Variants in EMSY observed in about 807,000 individuals in gnomAD.
The protein encoded by EMSY is EMSY transcriptional repressor, BRCA2 interacting.
In EMSY, 26 loss-of-function variants were observed where a neutral mutation model predicts 134.6. The observed-to-expected ratio is 0.19, with a 90% CI of 0.14 to 0.27. The LOEUF (loss-of-function observed/expected upper bound fraction) is 0.27, where lower values mean the gene tolerates loss of function less well. EMSY is among the 10% of genes least tolerant of loss of function. The pLI is 1.00. For synonymous variants in EMSY, 579 were observed against 577.8 expected, an observed-to-expected ratio of 1.00 and a Z score of -0.03; for missense variants, 1,305 against 1,611.4, an observed-to-expected ratio of 0.81 and a Z score of 3.26.
At chr11:76,516,309 T>A (rs771517219) in exon 11 of EMSY, 1 of 1,603,674 alleles carries the variant, frequency 6.2e-7, no homozygotes, top group South Asian at 1.1e-5. Context: ...TAATATAGTT[T>A]CTGGTAGGTA....
chr11:76,461,532 C>T (rs1396866287), intron 6 of EMSY, among the ~76,000 whole-genome samples: 2 of 152,186 alleles, frequency 1.3e-5, no homozygotes, highest in African/African-American at 2.4e-5. Context: ...AAAGAAAAAA[C>T]GCAGAATCTA....
intron 11 of EMSY, 55 bp downstream of exon 12, chr11:76,516,367 A>G (rs750597174): frequency 1.5e-6 from 2 of 1,318,096 alleles, no homozygotes; most frequent in Non-Finnish European, 2.0e-6. Flanking sequence ...GAGAGGAAAA[A>G]AAAAACTTAC....
chr11:76,548,839 G>A (rs1951746293), intron 20 of EMSY, among the ~76,000 whole-genome samples: 1 of 152,196 alleles, frequency 6.6e-6, no homozygotes, highest in African/African-American at 2.4e-5. Flanking sequence ...TTTGCAAAGT[G>A]CTGATATTCA....
intron 20 of EMSY, among the ~76,000 whole-genome samples, chr11:76,548,533 A>G (rs1028116061): frequency 3.9e-5 from 6 of 152,224 alleles, no homozygotes; most frequent in Non-Finnish European, 8.8e-5. Flanking sequence ...AACTGCAACG[A>G]TCTTCACAGT....
chr11:76,488,388 G>T (rs1338965747), intron 8 of EMSY, among the ~76,000 whole-genome samples: 1 of 152,152 alleles, frequency 6.6e-6, no homozygotes, highest in Non-Finnish European at 1.5e-5. Flanking sequence ...GATTGCTTGA[G>T]CCCAGGATTT....
rs147506236 is a variant in EMSY at position 76,451,798 on chromosome 11, C to T, written c.71-60C>T. 4.0e-4 allele frequency: 422 copies of T among 1,057,932 alleles called. 3 individuals carry two copies. In the African/African-American group the frequency reaches 6.5e-3, roughly 16 times the overall value. 65.5% of individuals were successfully genotyped at this position (1,057,932 alleles called of 1,614,324 possible). On this transcript the variant is annotated intron_variant, in intron 2 of 20. Transcript: ENST00000334736. ...TTTTTTGCCCTGAAGTTTCACTATA[C>T]ATAGCCATAGTATTAAAATATTAAA...
exon 21 of EMSY, chr11:76,551,036 C>T (rs1951821762): frequency 6.5e-6 from 1 of 152,746 alleles, no homozygotes; most frequent in Non-Finnish European, 1.5e-5. Context: ...TCATATGATG[C>T]TTTCTTAACG....
Position 76,549,894 on chromosome 11 carries a change from G to A in EMSY, c.3775-58G>A, listed in dbSNP as rs941505105. 13 of 1,387,032 alleles carry A rather than the reference G, an allele frequency of 9.4e-6. No individual in the cohort carries two copies. The African/African-American group carries it at 1.6e-4, about 17-fold the overall frequency. The allele number at this position is 1,387,032 out of a possible 1,614,324, so 85.9% of individuals were successfully genotyped here. A position where few individuals can be genotyped will look rare whatever the true frequency, so the allele number is the denominator to read the frequency against. On this transcript the variant is annotated intron_variant, in intron 20 of 20. Coordinates refer to ENST00000334736, the Ensembl canonical transcript of EMSY. Reference sequence around the variant, plus strand: ...TTTTTTTTTTTCTTGATATTGTTGGGGAAGTTATTCTGCTACCTTTTCTTA... The same window carrying A: ...TTTTTTTTTTTCTTGATATTGTTGGAGAAGTTATTCTGCTACCTTTTCTTA...
At chr11:76,512,999 A>G (rs1365352457) in intron 9 of EMSY, among the ~76,000 whole-genome samples, 9 of 152,190 alleles carry the variant, frequency 5.9e-5, no homozygotes, top group African/African-American at 2.2e-4. Flanking sequence ...TTGGGGATAC[A>G]TAAAAGCACA....
At chr11:76,499,038 T>C (rs887347456) in intron 9 of EMSY, among the ~76,000 whole-genome samples, 2 of 152,228 alleles carry the variant, frequency 1.3e-5, no homozygotes, top group Admixed American at 1.3e-4. Context: ...CTCAGCTCAC[T>C]GCAACCTCCG....
chr11:76,493,236 G>A (rs1378999485), intron 8 of EMSY, among the ~76,000 whole-genome samples: 1 of 152,206 alleles, frequency 6.6e-6, no homozygotes, highest in Non-Finnish European at 1.5e-5. Flanking sequence ...CCTGCCGCCT[G>A]AACCGCCCCC....
At chr11:76,464,203 T>A in intron 7 of EMSY, 123 bp downstream of exon 8, 2 of 1,195,400 alleles carry the variant, frequency 1.7e-6, no homozygotes, top group South Asian at 3.1e-5. Flanking sequence ...GTTCACATCT[T>A]TTACTTTGTT....
At chr11:76,530,262 C>A (rs956510906) in intron 14 of EMSY, among the ~76,000 whole-genome samples, 3 of 147,650 alleles carry the variant, frequency 2.0e-5, no homozygotes, top group Non-Finnish European at 4.4e-5. Context: ...TGGGTTCAAG[C>A]GATTCTCCTG....
chr11:76,529,511 T>A (rs1950958681), intron 14 of EMSY, among the ~76,000 whole-genome samples: 1 of 152,150 alleles, frequency 6.6e-6, no homozygotes, highest in South Asian at 2.1e-4. Context: ...TGCTAGACCC[T>A]ACAGAAGAGT....
At chr11:76,552,864 G>A (rs552263919), downstream of EMSY, 2 of 152,298 alleles carry the variant, frequency 1.3e-5, no homozygotes, top group South Asian at 4.1e-4. Flanking sequence ...TGTGCCATAA[G>A]AAATGTGGAC....
In EMSY at chr11:76,460,701, C is replaced by T. The variant is rs547404505; in HGVS notation, c.571+616C>T. 21 of 151,812 alleles carry T rather than the reference C, an allele frequency of 1.4e-4. No homozygotes were observed. The South Asian group carries it at 1.5e-3, about 11-fold the overall frequency. The allele number at this position is 151,812 out of a possible 1,614,324, so 9.4% of individuals were successfully genotyped here. ...TTTGTAATTTATAAAGAAAAGGGGC[C>T]GGGCACGGTGGCTCACGCGTGTAAT... On this transcript the variant is annotated intron_variant, in intron 6 of 20. Transcript: ENST00000334736.
chr11:76,531,718 T>C (rs180863941), intron 14 of EMSY, among the ~76,000 whole-genome samples: 3 of 152,300 alleles, frequency 2.0e-5, no homozygotes, highest in African/African-American at 4.8e-5. Flanking sequence ...CAAACACTTA[T>C]CCAGTAGTTT....
intron 12 of EMSY, among the ~76,000 whole-genome samples, chr11:76,525,702 G>T (rs1031397228): frequency 6.6e-6 from 1 of 152,012 alleles, no homozygotes; most frequent in African/African-American, 2.4e-5. Context: ...ATGGATATAA[G>T]CTATCTAGTT....
chr11:76,466,190 TG>T (rs1191484508), intron 7 of EMSY, among the ~76,000 whole-genome samples: 1 of 152,178 alleles, frequency 6.6e-6, no homozygotes, highest in Non-Finnish European at 1.5e-5. Context: ...TCCCTTAGGA[TG>T]GGGGAGAATA....
Sources: gnomAD v4.1 joint callset for allele counts (sites outside exome capture counted in the v4.1 genomes callset) on GRCh38, gnomAD v4.1.1 for gene constraint, MANE v1.5 for transcripts, NCBI Gene and HGNC (gene_info 2026-07-23, HGNC 2026-07-21) for gene names.